The following KLHL35 variants were observed in gnomAD, a reference collection of about 807,000 sequenced individuals.
KLHL35 encodes kelch-like protein 35.
In KLHL35, 50 loss-of-function variants were observed where a neutral mutation model predicts 44.0. The ratio of observed to expected loss-of-function variants is 1.14; its 90% CI spans 0.91 to 1.44. The LOEUF is 1.44. Among genes scored for constraint, KLHL35 ranks in the 40% most tolerant of loss-of-function variants. KLHL35 has a pLI of 0.00. For synonymous variants in KLHL35, 470 were observed against 410.4 expected, an observed-to-expected ratio of 1.15 and a Z score of -1.76; for missense variants, 1,049 against 887.8, an observed-to-expected ratio of 1.18 and a Z score of -2.31.
At position 75,425,304 on chromosome 11, in the gene KLHL35, C is replaced by T. The variant is rs1231873430; in HGVS notation, c.1374+89G>A. 4.5e-6 allele frequency: 6 copies of T among 1,334,652 alleles called. No individual in the cohort carries two copies. The African/African-American group carries it at 7.7e-5, about 17-fold the overall frequency. 82.7% of individuals were successfully genotyped at this position (1,334,652 alleles called of 1,614,324 possible). On this transcript the variant is annotated intron_variant, in intron 5 of 6. Coordinates refer to ENST00000539798, the MANE Select transcript of KLHL35 (RefSeq NM_001039548.3). ...TGATGGGATTAAGTGAATAAATGGA[C>T]AAGGGCATGGAAACGCCCAATTCTG...
intron 1 of KLHL35, among the ~76,000 whole-genome samples, chr11:75,431,777 A>T (rs1333339992): frequency 1.3e-5 from 2 of 152,188 alleles, no homozygotes; most frequent in Non-Finnish European, 2.9e-5. Flanking sequence ...TGGCTTCATG[A>T]CTATTACATG....
chr11:75,428,616 G>A lies in KLHL35; in HGVS notation c.892C>T (p.Leu298=). The A allele has an allele frequency of 6.3e-7, 1 of 1,589,640 alleles. No individual in the cohort carries two copies. Among genetic ancestry groups the A allele is most frequent in the Non-Finnish European group, 8.6e-7 (1 of 1,167,800 alleles). ...CCGATGACCACGATCACTTCAGCTAGGTCCATGAATCTGGCGTGCGGATAA... is the reference window on the plus strand; with the variant it reads ...CCGATGACCACGATCACTTCAGCTAAGTCCATGAATCTGGCGTGCGGATAA... ...LRTRPRRFMD[L]AEVIVVIGGC... Residue 298 remains leucine (L), a synonymous_variant, in exon 3 of 7, where the codon CTA becomes TTA. Transcript: ENST00000539798.
chr11:75,422,479 A>T lies in KLHL35; in HGVS notation c.*101T>A. On this transcript the variant is annotated 3_prime_UTR_variant, in exon 7 of 7. Coordinates refer to ENST00000539798, the MANE Select transcript of KLHL35 (RefSeq NM_001039548.3). ...TATTTATACAAGAAAAGGGACCATT[A>T]AGTTAAGGGCTGTTTGCGTGGAGGT... 9.5e-7 allele frequency: 1 copy of T among 1,050,576 alleles called. No individual in the cohort carries two copies. Among genetic ancestry groups the T allele is most frequent in the Non-Finnish European group, 1.4e-6 (1 of 722,800 alleles). The allele number at this position is 1,050,576 out of a possible 1,614,324, so 65.1% of individuals were successfully genotyped here.
At position 75,429,749 on chromosome 11, in the gene KLHL35, CTCCGCGGCCGGG is replaced by C. The variant is rs1373856055; in HGVS notation, c.869_880del (p.Thr290_Arg293del). ...GGAAGCTAGGGGATGGCGGCCCTAC[CTCCGCGGCCGGG>C]TCCGCAGCGCACCGGCCTCGCGGCC... On this transcript the variant is annotated inframe_deletion and splice_region_variant, in exon 2 of 7. Coordinates refer to ENST00000539798, the MANE Select transcript of KLHL35 (RefSeq NM_001039548.3). 6.9e-7 allele frequency: 1 copy of C among 1,459,196 alleles called. No individual in the cohort carries two copies. The highest frequency in any genetic ancestry group is 1.5e-5 in the African/African-American group (1 of 67,620). The allele number at this position is 1,459,196 out of a possible 1,614,324, so 90.4% of individuals were successfully genotyped here. A position where few individuals can be genotyped will look rare whatever the true frequency, so the allele number is the denominator to read the frequency against.
chr11:75,427,912 G>T (rs371076105), intron 3 of KLHL35, among the ~76,000 whole-genome samples: 19 of 152,210 alleles, frequency 1.2e-4, no homozygotes, highest in African/African-American at 4.1e-4. Context: ...CAGTAAAAGT[G>T]AAGTCTCTCT....
intron 5 of KLHL35, chr11:75,424,737 C>T (rs1265866301): frequency 2.0e-5 from 3 of 152,210 alleles, no homozygotes; most frequent in African/African-American, 7.2e-5. Flanking sequence ...CTTATGAGGC[C>T]ATCAGGGGAG....
intron 2 of KLHL35, among the ~76,000 whole-genome samples, chr11:75,429,008 G>A (rs1446275150): frequency 1.3e-5 from 2 of 152,204 alleles, no homozygotes; most frequent in Non-Finnish European, 2.9e-5. Flanking sequence ...AAGCCATTAA[G>A]CGTCAGAGCT....
chr11:75,430,463 C>T lies in KLHL35; in HGVS notation c.167G>A (p.Arg56His). ...GGCGCTGCCCGCGCTGAGCGCCGCG[C>T]GGTGGCACGGAAAGTCGCGCCCGCC... The part of the protein sequence containing the change: ...RAGGRDFPCH[R>H]AALSAGSAYF... The change falls in exon 2 of 7, where the codon CGC (arginine) becomes CAC (histidine). Residue 56 changes from arginine (R) to histidine (H), a missense_variant. Transcript: ENST00000539798. The T allele has an allele frequency of 7.2e-7, 1 of 1,394,986 alleles. No individual in the cohort carries two copies. Among genetic ancestry groups the T allele is most frequent in the Non-Finnish European group, 9.3e-7 (1 of 1,078,582 alleles). The allele number at this position is 1,394,986 out of a possible 1,614,324, so 86.4% of individuals were successfully genotyped here.
chr11:75,428,931 T>C (rs1014184406), intron 2 of KLHL35, among the ~76,000 whole-genome samples: 2 of 152,238 alleles, frequency 1.3e-5, no homozygotes, highest in African/African-American at 2.4e-5. Flanking sequence ...ATGGCAGTTC[T>C]ATTAGTAGGG....
Position 75,430,037 on chromosome 11 carries a change from TC to T in KLHL35, c.592del (p.Glu198ArgfsTer101). ...GGGGTCCGCCAGCAGCGCCACCACC[TC>T]GTCAGGCGCCAGCTCCAGGAAGTCG... is the stretch of plus-strand genomic sequence containing the variant. ...HADFLELAPD[E>X]VVALLADPAL... is the part of the protein sequence containing the mutation. On this transcript the variant is annotated frameshift_variant, in exon 2 of 7. Coordinates refer to ENST00000539798, the MANE Select transcript of KLHL35 (RefSeq NM_001039548.3). LOFTEE classifies it high-confidence loss of function. 7.1e-7 allele frequency: 1 copy of T among 1,415,402 alleles called. No individual in the cohort carries two copies. The highest frequency in any genetic ancestry group is 9.2e-7 in the Non-Finnish European group (1 of 1,086,750). The allele number at this position is 1,415,402 out of a possible 1,614,324, so 87.7% of individuals were successfully genotyped here.
In KLHL35 at chr11:75,433,100, G is replaced by T. The variant is rs935511258; in HGVS notation, c.-59C>A. 1.3e-5 allele frequency among the ~76,000 whole-genome samples: 2 copies of T among 152,130 alleles called. No homozygotes were observed. Among genetic ancestry groups the T allele is most frequent in the Admixed American group, 6.5e-5 (1 of 15,268 alleles). On this transcript the variant is annotated 5_prime_UTR_variant, in exon 1 of 7. Coordinates refer to ENST00000539798, the MANE Select transcript of KLHL35 (RefSeq NM_001039548.3). ...TGCTGCTCTCACAGGTATCACTCCC[G>T]TTTGTGCCTGCCGCCCGCACCCCTG...
chr11:75,429,695 G>C, intron 2 of KLHL35, 54 bp downstream of exon 2: 1 of 1,401,608 alleles, frequency 7.1e-7, no homozygotes, highest in Non-Finnish European at 9.2e-7. Flanking sequence ...TGAATGAGCG[G>C]TGGAAGCAGG....
rs572349 is a variant in KLHL35 at position 75,431,834 on chromosome 11, T to G, written c.-1-1204A>C. Among the ~76,000 whole-genome samples, 212 of 152,308 alleles carry G rather than the reference T, an allele frequency of 1.4e-3. 3 individuals are homozygous for G. The East Asian group carries it at 0.038, about 27-fold the overall frequency. ...ACACAGTACGAGCTACATGGGTGTT[T>G]CCCTATATTGCTTTTACTCAAGAGG... On this transcript the variant is annotated intron_variant, in intron 1 of 6. Coordinates refer to ENST00000539798, the MANE Select transcript of KLHL35 (RefSeq NM_001039548.3).
At position 75,426,573 on chromosome 11, in the gene KLHL35, C is replaced by T. The variant is rs1428282982; in HGVS notation, c.1132G>A (p.Ala378Thr). The T allele has an allele frequency of 1.9e-6, 3 of 1,607,200 alleles. No homozygotes were observed. Among genetic ancestry groups the T allele is most frequent in the Non-Finnish European group, 2.5e-6 (3 of 1,177,416 alleles). The change falls in exon 4 of 7, where the codon GCC (alanine) becomes ACC (threonine). Residue 378 changes from alanine (A) to threonine (T), a missense_variant. Coordinates refer to ENST00000539798, the MANE Select transcript of KLHL35 (RefSeq NM_001039548.3). ...SSHLHTWIKV[A>T]SLHKGRWRHK... ...CTCCACCTGCCCTTGTGCAGAGAGG[C>T]TACCTTGATCCAGGTGTGCAGATGG...
At position 75,430,375 on chromosome 11, in the gene KLHL35, C is replaced by A; in HGVS notation, c.255G>T (p.Val85=). The change falls in exon 2 of 7, where the codon GTG becomes GTT. Residue 85 remains valine, a synonymous_variant. Transcript: ENST00000539798. The part of the protein sequence containing the change: ...PERGPAVVPV[V]PVAPEAPGTS... The stretch of plus-strand genomic sequence containing the variant: ...TGCCTGGCGCCTCGGGAGCTACTGG[C>A]ACCACTGGCACCACGGCCGGGCCGC... The A allele has an allele frequency of 7.4e-7, 1 of 1,353,668 alleles. No homozygotes were observed. The highest frequency in any genetic ancestry group is 9.5e-7 in the Non-Finnish European group (1 of 1,050,294). 83.9% of individuals were successfully genotyped at this position (1,353,668 alleles called of 1,614,324 possible).
rs1948484118 is a variant in KLHL35, at chr11:75,425,580, A to G, written c.1187T>C (p.Leu396Pro). ...RHKMAVVQGQ[L>P]FAVGGFDGLR... ...GCCGTCGAAGCCACCCACCGCGAAC[A>G]GCTGCAAGTGAGGACATGGGCCGGG... The change falls in exon 5 of 7, where the codon CTG (leucine) becomes CCG (proline). Residue 396 changes from leucine (L) to proline (P), a missense_variant and splice_region_variant. By Grantham distance (98) the Leu-to-Pro change is moderately conservative (BLOSUM62 -3). Transcript: ENST00000539798. The G allele has an allele frequency of 6.8e-7, 1 of 1,476,236 alleles. No homozygotes were observed. Among genetic ancestry groups the G allele is most frequent in the Non-Finnish European group, 8.9e-7 (1 of 1,120,250 alleles). 91.4% of individuals were successfully genotyped at this position (1,476,236 alleles called of 1,614,324 possible). A position where few individuals can be genotyped will look rare whatever the true frequency, so the allele number is the denominator to read the frequency against.
rs1006581045 is a variant in KLHL35 at position 75,426,354 on chromosome 11, C to G, written c.1185+166G>C. On this transcript the variant is annotated intron_variant, in intron 4 of 6. Transcript: ENST00000539798. Reference sequence around the variant, plus strand: ...CAGGCTGTTACTATTACAGTAATTGCTATTATTATTAGCATCAGCCATTAT... The same window carrying G: ...CAGGCTGTTACTATTACAGTAATTGGTATTATTATTAGCATCAGCCATTAT... 3 of 547,990 alleles carry G rather than the reference C, an allele frequency of 5.5e-6. No homozygotes were observed. The African/African-American group carries it at 5.7e-5, about 10-fold the overall frequency. The allele number at this position is 547,990 out of a possible 1,614,324, so 33.9% of individuals were successfully genotyped here. A position where few individuals can be genotyped will look rare whatever the true frequency, so the allele number is the denominator to read the frequency against.
rs1383524689 is a variant in KLHL35, at chr11:75,430,125, G to GGGCCAGCGA, written c.496_504dup (p.Ser166_Ala168dup). 2.4e-6 allele frequency: 3 copies of GGGCCAGCGA among 1,267,022 alleles called. No individual in the cohort carries two copies. The highest frequency in any genetic ancestry group is 5.2e-5 in the South Asian group (2 of 38,504). The allele number at this position is 1,267,022 out of a possible 1,614,324, so 78.5% of individuals were successfully genotyped here. On this transcript the variant is annotated inframe_insertion, in exon 2 of 7. Transcript: ENST00000539798. Reference sequence around the variant, plus strand: ...ACGCGGCCGCAGCGCTCGGCCAGCGGGGCCAGCGAGAAGGCGGCGGCCACG... The same window carrying GGGCCAGCGA: ...ACGCGGCCGCAGCGCTCGGCCAGCGGGGCCAGCGAGGCCAGCGAGAAGGCGGCGGCCACG...
chr11:75,428,341 A>G, intron 3 of KLHL35, 101 bp downstream of exon 3: 1 of 1,360,508 alleles, frequency 7.4e-7, no homozygotes, highest in East Asian at 2.5e-5. Context: ...ATCAGAAAAC[A>G]TCCCGCCCCT....
Sources: gnomAD v4.1 joint callset for allele counts (sites outside exome capture counted in the v4.1 genomes callset) on GRCh38, gnomAD v4.1.1 for gene constraint, MANE v1.5 for transcripts, NCBI Gene and HGNC (gene_info 2026-07-23, HGNC 2026-07-21) for gene names.